Variants in SGCZ observed in about 807,000 individuals in gnomAD.
The protein encoded by SGCZ is sarcoglycan zeta.
SGCZ carries 40 observed loss-of-function variants against 41.3 expected under a neutral mutation model. The observed-to-expected ratio is 0.97, with a 90% CI of 0.75 to 1.26. The LOEUF is 1.26. SGCZ is among the 50% of genes most tolerant of loss of function. The pLI is 0.00. For missense variants in SGCZ, 552 were observed against 369.8 expected (o/e 1.49, Z -4.04); for synonymous variants, 206 against 137.5 (o/e 1.50, Z -3.49).
chr8:15,019,458 C>G (rs903637357), intron 1 of SGCZ, among the ~76,000 whole-genome samples: 2 of 152,116 alleles, frequency 1.3e-5, no homozygotes, highest in Non-Finnish European at 2.9e-5. Context: ...TTGTGCAGCT[C>G]TCTTTCCTCT....
intron 1 of SGCZ, among the ~76,000 whole-genome samples, chr8:14,756,908 A>C (rs1373696687): frequency 2.6e-5 from 4 of 152,226 alleles, no homozygotes; most frequent in Admixed American, 2.6e-4. Flanking sequence ...ACGAAATGAA[A>C]GAACAAATGG....
intron 1 of SGCZ, among the ~76,000 whole-genome samples, chr8:15,227,666 T>A (rs1381338986): frequency 6.6e-6 from 1 of 152,234 alleles, no homozygotes; most frequent in Non-Finnish European, 1.5e-5. Context: ...TATTCATTCG[T>A]ACTGTGACAC....
intron 1 of SGCZ, among the ~76,000 whole-genome samples, chr8:14,683,027 G>T (rs939849033): frequency 6.6e-6 from 1 of 152,098 alleles, no homozygotes; most frequent in African/African-American, 2.4e-5. Context: ...ATAGAACCAG[G>T]TGTCAAATAT....
chr8:14,431,713 T>G (rs1799946583), intron 2 of SGCZ, among the ~76,000 whole-genome samples: 1 of 152,304 alleles, frequency 6.6e-6, no homozygotes, highest in East Asian at 1.9e-4. Context: ...AAAGAACTTT[T>G]GCACGGCAAA....
chr8:14,333,712 G>C (rs766492266), intron 2 of SGCZ, among the ~76,000 whole-genome samples: 1 of 152,010 alleles, frequency 6.6e-6, no homozygotes, highest in Non-Finnish European at 1.5e-5. Flanking sequence ...CCACCTTTTA[G>C]AGTAGGTGAA....
intron 1 of SGCZ, among the ~76,000 whole-genome samples, chr8:14,791,986 T>C (rs1800970570): frequency 6.6e-6 from 1 of 152,126 alleles, no homozygotes; most frequent in Admixed American, 6.6e-5. Flanking sequence ...ATGTAAATAA[T>C]GATGTAATCC....
chr8:14,264,950 G>A lies in SGCZ; in HGVS notation c.337-27271C>T, dbSNP rs545744167. On this transcript the variant is annotated intron_variant, in intron 3 of 7. Transcript: ENST00000382080. Reference sequence around the variant, plus strand: ...TGCACTCCGGCCTGGGTGACAGAGCGAGACTCTGTCTCAAAAACAAACAAA... The same window carrying A: ...TGCACTCCGGCCTGGGTGACAGAGCAAGACTCTGTCTCAAAAACAAACAAA... Among the ~76,000 whole-genome samples, 17 of 152,202 alleles carry A rather than the reference G, an allele frequency of 1.1e-4. 1 individual carries two copies. The highest frequency in any genetic ancestry group is 4.2e-4 in the South Asian group (2 of 4,814).
chr8:15,099,959 A>C (rs996369075), intron 1 of SGCZ, among the ~76,000 whole-genome samples: 1 of 1,308 alleles, frequency 7.6e-4, no homozygotes, highest in East Asian at 0.014. Flanking sequence ...TTCCCTGACA[A>C]AAAAAAAAGT....
chr8:14,772,405 C>A (rs116378946), intron 1 of SGCZ, among the ~76,000 whole-genome samples: 10,711 of 151,752 alleles, frequency 0.071, 836 homozygotes, highest in African/African-American at 0.19. Context: ...ATAAAAATAA[C>A]ACATATGACT....
At chr8:15,119,797 C>T (rs768975656) in intron 1 of SGCZ, among the ~76,000 whole-genome samples, 1 of 152,100 alleles carries the variant, frequency 6.6e-6, no homozygotes, top group Non-Finnish European at 1.5e-5. Context: ...GGCCCTAACA[C>T]TTCTCAATTC....
intron 1 of SGCZ, among the ~76,000 whole-genome samples, chr8:14,630,703 G>A (rs1332921563): frequency 6.6e-6 from 1 of 151,798 alleles, no homozygotes; most frequent in African/African-American, 2.4e-5. Context: ...TAAAAAAGAT[G>A]AGTTCATGTC....
intron 1 of SGCZ, among the ~76,000 whole-genome samples, chr8:14,591,191 AAC>A (rs530392262): frequency 1.4e-3 from 214 of 152,030 alleles, no homozygotes; most frequent in African/African-American, 4.9e-3. Flanking sequence ...ACAATCATTT[AAC>A]AATATCAAAT....
chr8:14,768,794 C>T (rs1045003179), intron 1 of SGCZ, among the ~76,000 whole-genome samples: 1 of 151,900 alleles, frequency 6.6e-6, no homozygotes, highest in African/African-American at 2.4e-5. Flanking sequence ...TCATATGAAA[C>T]GAGTCTCTGC....
chr8:14,389,476 GA>G (rs34141720), intron 2 of SGCZ, among the ~76,000 whole-genome samples: 311 of 131,812 alleles, frequency 2.4e-3, no homozygotes, highest in Non-Finnish European at 2.2e-3. Context: ...AACCTGACAG[GA>G]AAAAAAAAAA....
rs530561291 is a variant in SGCZ, at chr8:14,853,795, T to C, written c.40-298869A>G. Among the ~76,000 whole-genome samples the C allele has an allele frequency of 7.9e-5, 12 of 152,008 alleles. No homozygotes were observed. The South Asian group carries it at 2.3e-3, about 29-fold the overall frequency. ...ATAAACAAGGCTTTTCTAACTACTG[T>C]TGGAATTTTCCTTTCTCTGTTCTTT... On this transcript the variant is annotated intron_variant, in intron 1 of 7. Transcript: ENST00000382080.
intron 1 of SGCZ, among the ~76,000 whole-genome samples, chr8:14,773,114 A>G (rs879782254): frequency 3.9e-5 from 6 of 152,146 alleles, no homozygotes; most frequent in East Asian, 1.9e-4. Flanking sequence ...TTTAATGATC[A>G]CCATTCTAAC....
At chr8:14,298,192 T>C (rs981079148) in intron 3 of SGCZ, among the ~76,000 whole-genome samples, 1 of 152,048 alleles carries the variant, frequency 6.6e-6, no homozygotes, top group Non-Finnish European at 1.5e-5. Context: ...TCACTAGTTA[T>C]ATAAGGAATT....
chr8:14,102,250 G>A (rs1802052981), intron 7 of SGCZ, 126 bp downstream of exon 7: 15 of 1,107,868 alleles, frequency 1.4e-5, no homozygotes, highest in Non-Finnish European at 1.7e-5. Context: ...ACTTTCCTAA[G>A]TTACAACTCC....
chr8:14,383,080 T>C (rs116148520), intron 2 of SGCZ, among the ~76,000 whole-genome samples: 1 of 152,264 alleles, frequency 6.6e-6, no homozygotes, highest in African/African-American at 2.4e-5. Context: ...TCCCCAATCA[T>C]AAGAAGAATG....
Sources: allele counts gnomAD v4.1 joint callset (sites outside exome capture counted in the v4.1 genomes callset), GRCh38; gene constraint gnomAD v4.1.1; transcripts MANE v1.5; gene names NCBI Gene and HGNC (gene_info 2026-07-23, HGNC 2026-07-21).